The following FANCA variants were observed in gnomAD, a reference collection of about 807,000 sequenced individuals.
FANCA encodes Fanconi anemia group A protein.
Under a neutral mutation model 194.3 loss-of-function variants are expected in FANCA, and 236 were observed. The observed-to-expected ratio is 1.21, with a 90% CI of 1.09 to 1.35. The LOEUF (loss-of-function observed/expected upper bound fraction) is 1.35, where lower values mean the gene tolerates loss of function less well. Ranked by LOEUF, FANCA falls within the 40% of genes most tolerant of loss-of-function variation. The pLI, the probability that FANCA is intolerant of heterozygous loss-of-function variation, is 0.00. For missense variants in FANCA, 2,628 were observed against 1,813.9 expected (o/e 1.45, Z -8.15); for synonymous variants, 1,014 against 715.8 (o/e 1.42, Z -6.65).
intron 28 of FANCA, among the ~76,000 whole-genome samples, chr16:89,764,085 T>C (rs12929831): frequency 0.42 from 63,723 of 151,158 alleles, 14,695 homozygotes; most frequent in East Asian, 0.76. Flanking sequence ...GTACTAAAGA[T>C]ACCAAAATTA....
rs552055376 is a variant in FANCA, at chr16:89,802,654, C to G, written c.792+605G>C. On this transcript the variant is annotated intron_variant, in intron 8 of 42. Transcript: ENST00000389301. ...TCCTGACCTTGTGATCCGCCCGCCT[C>G]GTCCTCCCAAAGTGCTGGGATTACA... Among the ~76,000 whole-genome samples the G allele has an allele frequency of 3.3e-5, 5 of 152,210 alleles. 1 individual carries two copies. The highest frequency in any genetic ancestry group is 1.2e-4 in the African/African-American group (5 of 41,536).
Sources: gnomAD v4.1 joint callset for allele counts (sites outside exome capture counted in the v4.1 genomes callset) on GRCh38, gnomAD v4.1.1 for gene constraint, MANE v1.5 for transcripts, NCBI Gene and HGNC (gene_info 2026-07-23, HGNC 2026-07-21) for gene names.